Variants in KIF16B observed in about 807,000 individuals in gnomAD.
KIF16B encodes the protein kinesin-like protein KIF16B.
In KIF16B, 98 loss-of-function variants were observed where a neutral mutation model predicts 156.3. The observed-to-expected ratio is 0.63, with a 90% CI of 0.53 to 0.74. KIF16B has a LOEUF of 0.74. KIF16B is among the 30% of genes least tolerant of loss of function. The pLI is 0.00. For missense variants in KIF16B, 1,421 were observed against 1,606.5 expected, an observed-to-expected ratio of 0.88 and a Z score of 1.97; for synonymous variants, 564 against 583.7, an observed-to-expected ratio of 0.97 and a Z score of 0.49.
At chr20:16,359,696 T>C (rs79665098) in intron 22 of KIF16B, among the ~76,000 whole-genome samples, 13,111 of 149,840 alleles carry the variant, frequency 0.087, 722 homozygotes, top group Non-Finnish European at 0.13. Context: ...ACAATTTCAC[T>C]GGGCAAGTGA....
At chr20:16,278,034 T>G (rs184127242) in intron 25 of KIF16B, among the ~76,000 whole-genome samples, 1 of 151,880 alleles carries the variant, frequency 6.6e-6, no homozygotes, top group African/African-American at 2.4e-5. Context: ...CTGACTTGGA[T>G]AGTTGGAGGA....
At chr20:16,369,939 A>G (rs2064775439) in intron 22 of KIF16B, among the ~76,000 whole-genome samples, 2 of 152,208 alleles carry the variant, frequency 1.3e-5, no homozygotes, top group South Asian at 4.1e-4. Context: ...TTACTGGATG[A>G]CTGGCAGGAG....
intron 10 of KIF16B, among the ~76,000 whole-genome samples, chr20:16,501,381 G>T (rs2068621294): frequency 3.2e-5 from 4 of 126,048 alleles, no homozygotes; most frequent in Admixed American, 7.5e-5. Context: ...AATTTAACCG[G>T]CACTTCTATA....
chr20:16,429,078 G>A, intron 13 of KIF16B, 74 bp from the exon 14 acceptor site: 1 of 1,290,710 alleles, frequency 7.7e-7, no homozygotes, highest in Admixed American at 1.7e-5. Flanking sequence ...TTTCATTGAA[G>A]CCCAAACAAC....
chr20:16,448,549 A>C (rs992170687), intron 12 of KIF16B, among the ~76,000 whole-genome samples: 2 of 152,254 alleles, frequency 1.3e-5, no homozygotes. Flanking sequence ...TGGACAGGCC[A>C]CTCCTCAGCC....
intron 10 of KIF16B, among the ~76,000 whole-genome samples, chr20:16,503,774 T>C (rs1281614681): frequency 2.6e-5 from 4 of 152,110 alleles, no homozygotes; most frequent in African/African-American, 9.7e-5. Context: ...ATGCAGACTA[T>C]CAGGAAGCTT....
intron 23 of KIF16B, among the ~76,000 whole-genome samples, chr20:16,339,370 A>T (rs1220544059): frequency 6.6e-6 from 1 of 151,882 alleles, no homozygotes. Flanking sequence ...TTCATCTGGG[A>T]TTTCTCATCT....
chr20:16,433,613 T>TCACA (rs368183791), intron 12 of KIF16B, among the ~76,000 whole-genome samples: 14 of 149,376 alleles, frequency 9.4e-5, no homozygotes, highest in Middle Eastern at 3.5e-3. Flanking sequence ...ACACACACAC[T>TCACA]CACACACACA....
chr20:16,279,605 T>G (rs2063116264), intron 25 of KIF16B, among the ~76,000 whole-genome samples: 1 of 152,106 alleles, frequency 6.6e-6, no homozygotes, highest in African/African-American at 2.4e-5. Flanking sequence ...TATGCTAAGA[T>G]GGAGGTATCT....
chr20:16,502,172 G>A (rs1440877604), intron 10 of KIF16B, among the ~76,000 whole-genome samples: 1 of 152,044 alleles, frequency 6.6e-6, no homozygotes, highest in Non-Finnish European at 1.5e-5. Flanking sequence ...ATTATTAAAA[G>A]TAGAAGTTGA....
At chr20:16,426,143 T>C (rs918505373) in intron 15 of KIF16B, among the ~76,000 whole-genome samples, 1 of 152,180 alleles carries the variant, frequency 6.6e-6, no homozygotes, top group African/African-American at 2.4e-5. Context: ...ACATGAGATT[T>C]GGGTGGGGAC....
At chr20:16,497,987 C>T (rs564393336) in intron 10 of KIF16B, among the ~76,000 whole-genome samples, 22 of 152,248 alleles carry the variant, frequency 1.4e-4, no homozygotes, top group Non-Finnish European at 3.1e-4. Flanking sequence ...CTTAAGGATT[C>T]GCCTCTTTTA....
At chr20:16,448,545 G>C (rs2066995499) in intron 12 of KIF16B, among the ~76,000 whole-genome samples, 1 of 152,108 alleles carries the variant, frequency 6.6e-6, no homozygotes, top group Admixed American at 6.6e-5. Context: ...GGCCTGGACA[G>C]GCCACTCCTC....
chr20:16,420,658 T>C (rs1418937563), intron 15 of KIF16B, among the ~76,000 whole-genome samples: 1 of 152,108 alleles, frequency 6.6e-6, no homozygotes, highest in Non-Finnish European at 1.5e-5. Context: ...CATCTTTTAC[T>C]TCTATAAAAG....
At chr20:16,565,517 A>C (rs186342038) in intron 1 of KIF16B, among the ~76,000 whole-genome samples, 46 of 152,294 alleles carry the variant, frequency 3.0e-4, no homozygotes, top group African/African-American at 1.1e-3. Flanking sequence ...CCTGAGCCTT[A>C]AAGAGGAAAA....
intron 24 of KIF16B, among the ~76,000 whole-genome samples, chr20:16,321,706 A>C (rs2122795224): frequency 6.6e-6 from 1 of 152,194 alleles, no homozygotes; most frequent in South Asian, 2.1e-4. Context: ...AGATGTGCAG[A>C]AGGAAAATGG....
chr20:16,349,486 C>G (rs1443301453), intron 23 of KIF16B, among the ~76,000 whole-genome samples: 1 of 152,238 alleles, frequency 6.6e-6, no homozygotes, highest in Admixed American at 6.5e-5. Flanking sequence ...CCTACGAGTG[C>G]TGCCTTGCAG....
chr20:16,371,436 C>A (rs2064815715), intron 21 of KIF16B, among the ~76,000 whole-genome samples: 1 of 151,802 alleles, frequency 6.6e-6, no homozygotes, highest in Non-Finnish European at 1.5e-5. Context: ...ACTAAAAATA[C>A]AAAAATTAGC....
chr20:16,373,624 A>C (rs1225094794), intron 20 of KIF16B, among the ~76,000 whole-genome samples: 3 of 152,344 alleles, frequency 2.0e-5, no homozygotes, highest in East Asian at 1.9e-4. Flanking sequence ...ATGACACATA[A>C]ATTAACTGTC....
Sources: gnomAD v4.1 joint callset for allele counts (sites outside exome capture counted in the v4.1 genomes callset) on GRCh38, gnomAD v4.1.1 for gene constraint, MANE v1.5 for transcripts, NCBI Gene and HGNC (gene_info 2026-07-23, HGNC 2026-07-21) for gene names.